ADAMTS3: variants seen among roughly 807,000 people sequenced by gnomAD.
ADAMTS3 encodes the protein A disintegrin and metalloproteinase with thrombospondin motifs 3.
In ADAMTS3, 73 loss-of-function variants were observed where a neutral mutation model predicts 129.0. That is an observed-to-expected ratio of 0.57 (90% CI 0.47 to 0.69). The LOEUF (loss-of-function observed/expected upper bound fraction) is 0.69, where lower values mean the gene tolerates loss of function less well. Ranked by LOEUF, ADAMTS3 falls within the 30% of genes least tolerant of loss-of-function variation. The pLI, the probability that ADAMTS3 is intolerant of heterozygous loss-of-function variation, is 0.00. For missense variants in ADAMTS3, 1,457 were observed against 1,514.5 expected (o/e 0.96, Z 0.63); for synonymous variants, 477 against 510.8 (o/e 0.93, Z 0.89).
At chr4:72,316,680 G>A (rs1189642841) in intron 10 of ADAMTS3, among the ~76,000 whole-genome samples, 1 of 146,530 alleles carries the variant, frequency 6.8e-6, no homozygotes, top group African/African-American at 2.5e-5. Context: ...ACAACAGTGA[G>A]ACACTATCTC....
At chr4:72,359,589 A>ATTT (rs1308842390) in intron 4 of ADAMTS3, among the ~76,000 whole-genome samples, 1 of 151,930 alleles carries the variant, frequency 6.6e-6, no homozygotes, top group Admixed American at 6.6e-5. Flanking sequence ...ACACAGTTAC[A>ATTT]TTTTTTCCCC....
intron 13 of ADAMTS3, chr4:72,312,019 T>C: frequency 2.8e-6 from 1 of 355,932 alleles, no homozygotes; most frequent in Admixed American, 4.2e-5. Flanking sequence ...GAATCAGGAA[T>C]TCCAACATCT....
intron 19 of ADAMTS3, among the ~76,000 whole-genome samples, chr4:72,294,035 A>T (rs1718744459): frequency 1.3e-5 from 2 of 152,140 alleles, no homozygotes; most frequent in South Asian, 4.1e-4. Context: ...ACACTGAGGA[A>T]CACGGGAGAA....
At chr4:72,339,841 C>T (rs139701036) in intron 4 of ADAMTS3, 148 bp from the exon 5 acceptor site, 32 of 654,944 alleles carry the variant, frequency 4.9e-5, no homozygotes, top group East Asian at 2.1e-4. Context: ...TTAAATAATA[C>T]GCATATGCAT....
At chr4:72,435,336 T>C (rs536194711) in intron 3 of ADAMTS3, among the ~76,000 whole-genome samples, 1 of 151,704 alleles carries the variant, frequency 6.6e-6, no homozygotes, top group Non-Finnish European at 1.5e-5. Context: ...TACAAATAAA[T>C]CTTAGCAAGT....
At chr4:72,339,880 A>G (rs1720090894) in intron 4 of ADAMTS3, among the ~76,000 whole-genome samples, 187 bp from the exon 5 acceptor site, 1 of 152,180 alleles carries the variant, frequency 6.6e-6, no homozygotes, top group Non-Finnish European at 1.5e-5. Context: ...TACAAATTGA[A>G]CATAGAAGAG....
intron 4 of ADAMTS3, among the ~76,000 whole-genome samples, chr4:72,350,842 C>T (rs1053843358): frequency 2.0e-5 from 3 of 151,966 alleles, no homozygotes; most frequent in Non-Finnish European, 2.9e-5. Flanking sequence ...GTAGTTTCCT[C>T]ACATATATAT....
chr4:72,385,202 G>T (rs903752733), intron 4 of ADAMTS3, among the ~76,000 whole-genome samples: 2 of 151,580 alleles, frequency 1.3e-5, no homozygotes, highest in Non-Finnish European at 1.5e-5. Flanking sequence ...AAAAGAAAAG[G>T]GGGTCAGTCA....
intron 17 of ADAMTS3, among the ~76,000 whole-genome samples, chr4:72,303,334 G>GC (rs35022116): frequency 0.19 from 29,133 of 151,804 alleles, 3,388 homozygotes; most frequent in East Asian, 0.47. Context: ...TCTTTGATCA[G>GC]CCCCCAAACC....
chr4:72,379,159 T>C (rs1306813510), intron 4 of ADAMTS3, among the ~76,000 whole-genome samples: 1 of 152,102 alleles, frequency 6.6e-6, no homozygotes, highest in African/African-American at 2.4e-5. Flanking sequence ...CCCAGCATAT[T>C]CACAGGCTCT....
chr4:72,310,930 G>A, intron 14 of ADAMTS3, 118 bp downstream of exon 14: 1 of 967,628 alleles, frequency 1.0e-6, no homozygotes, highest in Non-Finnish European at 1.4e-6. Flanking sequence ...ACTATTCATA[G>A]ACACTTACTA....
intron 3 of ADAMTS3, among the ~76,000 whole-genome samples, chr4:72,432,607 T>C (rs746530032): frequency 3.9e-5 from 6 of 151,958 alleles, no homozygotes; most frequent in African/African-American, 7.2e-5. Context: ...GGCTTTCTCA[T>C]TAAAATTTAA....
intron 3 of ADAMTS3, among the ~76,000 whole-genome samples, chr4:72,416,270 C>A (rs1722303743): frequency 6.6e-6 from 1 of 151,212 alleles, no homozygotes; most frequent in Non-Finnish European, 1.5e-5. Flanking sequence ...ACACTCAAAT[C>A]TGTCCTTTTC....
Position 72,540,771 on chromosome 4 carries a change from C to T in ADAMTS3, c.504+7707G>A, listed in dbSNP as rs545115179. Among the ~76,000 whole-genome samples, 50 of 152,336 alleles carry T rather than the reference C, an allele frequency of 3.3e-4. 2 individuals are homozygous for T. The South Asian group carries it at 0.01, about 31-fold the overall frequency. On this transcript the variant is annotated intron_variant, in intron 3 of 21. Coordinates refer to ENST00000286657, the MANE Select transcript of ADAMTS3 (RefSeq NM_014243.3). ...AAGTCCCAAGCCTTGGCAGATTCCA[C>T]TTGGTGTTGAGACTGCAGGTGCACA...
intron 3 of ADAMTS3, among the ~76,000 whole-genome samples, chr4:72,535,424 T>C (rs1721161258): frequency 6.6e-6 from 1 of 152,176 alleles, no homozygotes; most frequent in Non-Finnish European, 1.5e-5. Context: ...CCCATTAGGT[T>C]AATGAGACAC....
chr4:72,380,447 A>G (rs891082184), intron 4 of ADAMTS3, among the ~76,000 whole-genome samples: 4 of 152,104 alleles, frequency 2.6e-5, no homozygotes, highest in African/African-American at 9.7e-5. Context: ...AATAAGAATG[A>G]TTTTTTATAA....
intron 3 of ADAMTS3, among the ~76,000 whole-genome samples, chr4:72,452,490 G>C (rs79956198): frequency 0.036 from 5,481 of 151,812 alleles, 120 homozygotes; most frequent in Non-Finnish European, 0.048. Flanking sequence ...AGATATAATT[G>C]TATGCTTGAA....
Position 72,306,075 on chromosome 4 carries a change from T to C in ADAMTS3, c.2180-8A>G. 1 of 1,594,726 alleles carries C rather than the reference T, an allele frequency of 6.3e-7. No individual in the cohort carries two copies. On this transcript the variant is annotated splice_region_variant and splice_polypyrimidine_tract_variant and intron_variant, in intron 15 of 21. Coordinates refer to ENST00000286657, the MANE Select transcript of ADAMTS3 (RefSeq NM_014243.3). ...CAAACATCTTAAGGTACCCTTTGCA[T>C]GTGTAGTAAATATTGTAGGAAGCAA...
chr4:72,540,659 T>G (rs908300804), intron 3 of ADAMTS3, among the ~76,000 whole-genome samples: 21 of 152,150 alleles, frequency 1.4e-4, no homozygotes, highest in African/African-American at 3.4e-4. Flanking sequence ...TCATGCTGTG[T>G]GCAGTCTAGA....
Sources: allele counts gnomAD v4.1 joint callset (sites outside exome capture counted in the v4.1 genomes callset), GRCh38; gene constraint gnomAD v4.1.1; transcripts MANE v1.5; gene names NCBI Gene and HGNC (gene_info 2026-07-23, HGNC 2026-07-21).